EIF4G3: variants seen among roughly 807,000 people sequenced by gnomAD.
EIF4G3 encodes the protein eIF-4-gamma 3.
In EIF4G3, 34 loss-of-function variants were observed where a neutral mutation model predicts 186.4. The observed-to-expected ratio is 0.18, with a 90% confidence interval of 0.14 to 0.24. The LOEUF (loss-of-function observed/expected upper bound fraction) is 0.24. EIF4G3 is among the 10% of genes least tolerant of loss of function. The probability of loss-of-function intolerance (pLI) is 1.00; values close to 1 mark genes in which losing one functional copy is unlikely to be tolerated. For synonymous variants in EIF4G3, 673 were observed against 679.5 expected, an observed-to-expected ratio of 0.99 and a Z score of 0.15; for missense variants, 1,536 against 1,948.5, an observed-to-expected ratio of 0.79 and a Z score of 3.99.
intron 3 of EIF4G3, among the ~76,000 whole-genome samples, chr1:21,064,089 C>T (rs17418249): frequency 0.37 from 56,263 of 151,824 alleles, 11,051 homozygotes; most frequent in Non-Finnish European, 0.43. Context: ...TTATAGTGAG[C>T]AAAATCTGCT....
At chr1:20,863,227 G>C (rs1444709201) in intron 22 of EIF4G3, among the ~76,000 whole-genome samples, 1 of 151,780 alleles carries the variant, frequency 6.6e-6, no homozygotes, top group African/African-American at 2.4e-5. Flanking sequence ...TAGCTTCCTA[G>C]GGCCTTCCTA....
rs1032731329 is a variant in EIF4G3, at chr1:20,914,774, A to G, written c.1664-9803T>C. ...TCTAAACATATGGGGGATTTTCCAG[A>G]GATATTTTTCTCACTGATTTCCAAC... On this transcript the variant is annotated intron_variant, in intron 14 of 36. Coordinates refer to ENST00000602326, the MANE Select transcript of EIF4G3 (RefSeq NM_001391906.1). Among the ~76,000 whole-genome samples the G allele has an allele frequency of 2.0e-5, 3 of 152,200 alleles. No individual in the cohort carries two copies. The South Asian group carries it at 6.2e-4, about 32-fold the overall frequency.
chr1:20,863,261 A>G (rs1382822461), intron 22 of EIF4G3, among the ~76,000 whole-genome samples: 1 of 151,942 alleles, frequency 6.6e-6, no homozygotes, highest in East Asian at 1.9e-4. Flanking sequence ...GGCCAGGCAT[A>G]GTGACTGATA....
At chr1:20,980,142 CCTGA>C (rs1408011634) in intron 10 of EIF4G3, among the ~76,000 whole-genome samples, 188 bp downstream of exon 10, 1 of 151,852 alleles carries the variant, frequency 6.6e-6, no homozygotes, top group Non-Finnish European at 1.5e-5. Context: ...TTAAGACCAG[CCTGA>C]CTAACATAAT....
At chr1:20,990,923 G>C (rs2080956093) in intron 7 of EIF4G3, among the ~76,000 whole-genome samples, 1 of 152,174 alleles carries the variant, frequency 6.6e-6, no homozygotes. Context: ...ATATAGGTCA[G>C]CCTACTAGAA....
At chr1:20,905,075 C>A (rs2091660592) in intron 14 of EIF4G3, 104 bp from the exon 15 acceptor site, 1 of 785,746 alleles carries the variant, frequency 1.3e-6, no homozygotes, top group Non-Finnish European at 2.0e-6. Flanking sequence ...TAAAAGAGAA[C>A]TTTACCTATA....
Position 20,886,330 on chromosome 1 carries a change from T to C in EIF4G3, c.2295A>G (p.Arg765=), listed in dbSNP as rs537235378. Residue 765 remains arginine, a synonymous_variant, in exon 19 of 37, where the codon AGA becomes AGG. Transcript: ENST00000602326. ...VGSRRSQPGQ[R]REPRKIITVS... ...CTGTGATGATCTTTCTGGGTTCTCTTCTTTGGCCAGGTTGAGATCTTCGTG... is the reference window on the plus strand; with the variant it reads ...CTGTGATGATCTTTCTGGGTTCTCTCCTTTGGCCAGGTTGAGATCTTCGTG... 9 of 1,614,084 alleles carry C rather than the reference T, an allele frequency of 5.6e-6. No homozygotes were observed. In the African/African-American group the frequency reaches 1.1e-4, roughly 19 times the overall value.
At chr1:21,128,796 G>C (rs1028719093) in intron 2 of EIF4G3, among the ~76,000 whole-genome samples, 5 of 152,078 alleles carry the variant, frequency 3.3e-5, no homozygotes, top group African/African-American at 9.7e-5. Flanking sequence ...GTTTCTTGCA[G>C]TGAAATTTGA....
chr1:21,146,390 G>A (rs2097442246), intron 2 of EIF4G3, among the ~76,000 whole-genome samples: 1 of 151,716 alleles, frequency 6.6e-6, no homozygotes, highest in Non-Finnish European at 1.5e-5. Context: ...GTAAATGAAG[G>A]GCAAACATAT....
chr1:20,977,054 GTTAAT>G (rs2076994407), intron 10 of EIF4G3, among the ~76,000 whole-genome samples: 1 of 149,316 alleles, frequency 6.7e-6, no homozygotes, highest in African/African-American at 2.5e-5. Flanking sequence ...AATATTCCAT[GTTAAT>G]TTAAGTTAAA....
At chr1:20,813,684 T>A (rs2059734575) in intron 34 of EIF4G3, among the ~76,000 whole-genome samples, 1 of 151,674 alleles carries the variant, frequency 6.6e-6, no homozygotes, top group African/African-American at 2.4e-5. Context: ...CTGGCCAACA[T>A]GGTGAAACCG....
intron 4 of EIF4G3, among the ~76,000 whole-genome samples, chr1:21,041,766 C>T (rs1345066556): frequency 2.0e-5 from 3 of 152,128 alleles, no homozygotes; most frequent in Non-Finnish European, 4.4e-5. Context: ...ACAGAGAACA[C>T]ACACACAAGG....
intron 2 of EIF4G3, among the ~76,000 whole-genome samples, chr1:21,109,092 T>C (rs181625390): frequency 1.2e-3 from 182 of 150,490 alleles, no homozygotes; most frequent in African/African-American, 4.3e-3. Context: ...GTGGTGCACA[T>C]CTGTAATCCC....
At chr1:20,947,765 G>A (rs2096032267) in intron 13 of EIF4G3, among the ~76,000 whole-genome samples, 2 of 152,202 alleles carry the variant, frequency 1.3e-5, no homozygotes, top group African/African-American at 4.8e-5. Context: ...TTTCATCAAG[G>A]TAACCTGAAT....
At chr1:20,935,690 G>C (rs1396066952) in intron 14 of EIF4G3, among the ~76,000 whole-genome samples, 1 of 152,132 alleles carries the variant, frequency 6.6e-6, no homozygotes, top group East Asian at 1.9e-4. Flanking sequence ...TCATTTCTTT[G>C]TGTTAGGAAC....
intron 2 of EIF4G3, among the ~76,000 whole-genome samples, chr1:21,125,907 GAAAAAACAGGC>G (rs2097031342): frequency 6.6e-6 from 1 of 151,012 alleles, no homozygotes; most frequent in African/African-American, 2.4e-5. Flanking sequence ...ATTTCAGGAT[GAAAAAACAGGC>G]ACAGAACAGG....
At chr1:21,065,972 T>C (rs1055145310) in intron 3 of EIF4G3, among the ~76,000 whole-genome samples, 1 of 152,008 alleles carries the variant, frequency 6.6e-6, no homozygotes, top group African/African-American at 2.4e-5. Flanking sequence ...TTAAAATAAA[T>C]ACTTGACCAG....
intron 4 of EIF4G3, among the ~76,000 whole-genome samples, chr1:21,019,028 A>AG (rs2090014546): frequency 2.0e-5 from 3 of 151,956 alleles, no homozygotes; most frequent in African/African-American, 7.3e-5. Context: ...ACTGAAAAAA[A>AG]GTTTTTTTAA....
chr1:20,874,884 CTA>C (rs2080307622), intron 20 of EIF4G3, among the ~76,000 whole-genome samples: 1 of 152,132 alleles, frequency 6.6e-6, no homozygotes, highest in African/African-American at 2.4e-5. Flanking sequence ...TAGTAGGATT[CTA>C]TGTTTCTATG....
Sources: gnomAD v4.1 joint callset for allele counts (sites outside exome capture counted in the v4.1 genomes callset) on GRCh38, gnomAD v4.1.1 for gene constraint, MANE v1.5 for transcripts, NCBI Gene and HGNC (gene_info 2026-07-23, HGNC 2026-07-21) for gene names.